Variants in LTBP1 observed in about 807,000 individuals in gnomAD.
LTBP1 encodes the protein latent-transforming growth factor beta-binding protein 1.
In LTBP1, 129 loss-of-function variants were observed where a neutral mutation model predicts 207.6. The observed-to-expected ratio is 0.62, with a 90% CI of 0.54 to 0.72. The LOEUF is 0.72. LTBP1 is among the 30% of genes least tolerant of loss of function. The pLI, the probability that LTBP1 is intolerant of heterozygous loss-of-function variation, is 0.00. For missense variants in LTBP1, 2,281 were observed against 2,217.2 expected, an observed-to-expected ratio of 1.03 and a Z score of -0.58; for synonymous variants, 963 against 833.7, an observed-to-expected ratio of 1.16 and a Z score of -2.67.
intron 26 of LTBP1, among the ~76,000 whole-genome samples, chr2:33,352,961 T>C (rs1248046524): frequency 1.3e-5 from 2 of 149,792 alleles, no homozygotes; most frequent in Non-Finnish European, 3.0e-5. Flanking sequence ...CTCCCCCTTG[T>C]AAGCCTTTCT....
chr2:33,317,055 A>G (rs1313920790), intron 24 of LTBP1, among the ~76,000 whole-genome samples: 4 of 152,200 alleles, frequency 2.6e-5, no homozygotes, highest in Non-Finnish European at 4.4e-5. Context: ...TATATTCACA[A>G]TTATTTTGTC....
intron 2 of LTBP1, among the ~76,000 whole-genome samples, chr2:32,992,410 A>G (rs1684555605): frequency 6.6e-6 from 1 of 152,222 alleles, no homozygotes; most frequent in Non-Finnish European, 1.5e-5. Context: ...ACCAGTGTGG[A>G]CAAAAGCCCA....
intron 19 of LTBP1, among the ~76,000 whole-genome samples, chr2:33,292,521 A>G (rs546724288): frequency 1.3e-5 from 2 of 152,330 alleles, no homozygotes; most frequent in African/African-American, 4.8e-5. Context: ...ATGTATGTAA[A>G]GCTTTTAATG....
chr2:33,392,760 A>T (rs2095325851), intron 32 of LTBP1, among the ~76,000 whole-genome samples: 1 of 152,232 alleles, frequency 6.6e-6, no homozygotes, highest in African/African-American at 2.4e-5. Context: ...ATAATAAAAA[A>T]GGTATTAGAT....
chr2:32,988,419 C>T (rs144337148), intron 2 of LTBP1, among the ~76,000 whole-genome samples: 202 of 152,282 alleles, frequency 1.3e-3, no homozygotes, highest in African/African-American at 4.6e-3. Context: ...TTCTACCACA[C>T]TGAGCTCCTA....
chr2:33,017,271 A>T (rs1207666821), intron 2 of LTBP1, among the ~76,000 whole-genome samples: 2 of 152,252 alleles, frequency 1.3e-5, no homozygotes, highest in Non-Finnish European at 2.9e-5. Flanking sequence ...AAAAGCAATT[A>T]CAGCATGAAA....
Position 33,371,914 on chromosome 2 carries a change from C to G in LTBP1, c.4711+6411C>G, listed in dbSNP as rs562544619. ...TGTGATGAAATCTGGTGGTGTCCCACCCAGCACGTGGACCATCCCTTTGTC... is the reference window on the plus strand; with the variant it reads ...TGTGATGAAATCTGGTGGTGTCCCAGCCAGCACGTGGACCATCCCTTTGTC... On this transcript the variant is annotated intron_variant, in intron 31 of 33. Coordinates refer to ENST00000404816, the MANE Select transcript of LTBP1 (RefSeq NM_206943.4). Among the ~76,000 whole-genome samples, 22 of 152,336 alleles carry G rather than the reference C, an allele frequency of 1.4e-4. No individual in the cohort carries two copies. The South Asian group carries it at 4.6e-3, about 32-fold the overall frequency.
In LTBP1 at chr2:33,026,663, A is replaced by G. The variant is rs571997466; in HGVS notation, c.863+5457A>G. ...AAAAGGCATTGAACGAAAGTTGAAC[A>G]AAAGGAACTCACTCCAAGGTGCTCA... is the stretch of plus-strand genomic sequence containing the variant. On this transcript the variant is annotated intron_variant, in intron 3 of 33. Coordinates refer to ENST00000404816, the MANE Select transcript of LTBP1 (RefSeq NM_206943.4). 5.6e-4 allele frequency among the ~76,000 whole-genome samples: 85 copies of G among 152,338 alleles called. 1 individual carries two copies. The highest frequency in any genetic ancestry group is 3.4e-3 in the Middle Eastern group (1 of 294).
chr2:33,318,003 C>T (rs73925682), intron 24 of LTBP1: 1 of 152,170 alleles, frequency 6.6e-6, no homozygotes, highest in South Asian at 2.1e-4. Context: ...AAATCTAAAG[C>T]ACTCCACATT....
At chr2:33,182,361 G>T (rs1242484325) in intron 5 of LTBP1, among the ~76,000 whole-genome samples, 1 of 151,820 alleles carries the variant, frequency 6.6e-6, no homozygotes, top group African/African-American at 2.4e-5. Context: ...CTGTTTCTTT[G>T]TTTAAAAAAA....
At chr2:33,253,307 G>A (rs1349648507) in intron 11 of LTBP1, among the ~76,000 whole-genome samples, 2 of 152,104 alleles carry the variant, frequency 1.3e-5, no homozygotes, top group African/African-American at 2.4e-5. Context: ...TTGAATTTAC[G>A]CTATGAAGAT....
chr2:33,258,707 T>C (rs1238283837), intron 12 of LTBP1, among the ~76,000 whole-genome samples: 1 of 152,188 alleles, frequency 6.6e-6, no homozygotes, highest in African/African-American at 2.4e-5. Flanking sequence ...TTAGGCAGAA[T>C]AGAAGGTTAT....
rs748013321 is a variant in LTBP1 at position 33,301,598 on chromosome 2, G to A, written c.3435G>A (p.Val1145=). ...CRNTEGSFQC[V]CDQGYRASGL... is the part of the protein sequence containing the mutation. ...ACACTGAGGGCTCTTTTCAATGTGT[G>A]TGTGACCAGGGTTACAGAGCATCTG... The change falls in exon 22 of 34, where the codon GTG becomes GTA. Residue 1145 remains valine (V), a synonymous_variant. Coordinates refer to ENST00000404816, the MANE Select transcript of LTBP1 (RefSeq NM_206943.4). 5 of 1,612,506 alleles carry A rather than the reference G, an allele frequency of 3.1e-6. No homozygotes were observed. The East Asian group carries it at 1.1e-4, about 36-fold the overall frequency.
chr2:32,950,185 A>G (rs188046888), intron 2 of LTBP1, among the ~76,000 whole-genome samples: 217 of 152,302 alleles, frequency 1.4e-3, no homozygotes, highest in Non-Finnish European at 1.9e-3. Context: ...CTGCTATGAT[A>G]TGGTTTGCCT....
chr2:33,130,987 T>C (rs563191379), intron 4 of LTBP1, among the ~76,000 whole-genome samples: 1 of 152,330 alleles, frequency 6.6e-6, no homozygotes, highest in Non-Finnish European at 1.5e-5. Flanking sequence ...CTCAGACTTA[T>C]AATTCCTAAT....
chr2:33,021,904 C>T (rs935044226), intron 3 of LTBP1, among the ~76,000 whole-genome samples: 1 of 152,126 alleles, frequency 6.6e-6, no homozygotes, highest in Non-Finnish European at 1.5e-5. Flanking sequence ...TCAGCTGCAC[C>T]GGGTCCTTAA....
chr2:33,375,002 A>G (rs1381047578), intron 31 of LTBP1, among the ~76,000 whole-genome samples: 1 of 152,144 alleles, frequency 6.6e-6, no homozygotes, highest in African/African-American at 2.4e-5. Flanking sequence ...GCTTTCTCTC[A>G]CCCCTCCCAA....
At chr2:33,060,840 T>C (rs1391701536) in intron 3 of LTBP1, among the ~76,000 whole-genome samples, 3 of 152,184 alleles carry the variant, frequency 2.0e-5, no homozygotes, top group East Asian at 3.8e-4. Context: ...ACTCATGTTA[T>C]AGTGATTGAA....
chr2:33,035,607 G>A (rs2075883476), intron 3 of LTBP1, among the ~76,000 whole-genome samples: 1 of 152,204 alleles, frequency 6.6e-6, no homozygotes, highest in Non-Finnish European at 1.5e-5. Flanking sequence ...GAAGAATGGA[G>A]AAGAATGCAA....
Sources: gnomAD v4.1 joint callset for allele counts (sites outside exome capture counted in the v4.1 genomes callset) on GRCh38, gnomAD v4.1.1 for gene constraint, MANE v1.5 for transcripts, NCBI Gene and HGNC (gene_info 2026-07-23, HGNC 2026-07-21) for gene names.